Variants in NYAP2 observed in about 807,000 individuals in gnomAD.
The protein encoded by NYAP2 is neuronal tyrosine-phosphorylated phosphoinositide-3-kinase adapter 2.
A neutral mutation model predicts 50.4 loss-of-function variants in NYAP2; 23 were observed. The ratio of observed to expected loss-of-function variants is 0.46; its 90% CI spans 0.33 to 0.65. NYAP2 has a LOEUF of 0.65. NYAP2 is among the 30% of genes least tolerant of loss of function. The pLI is 0.02. For missense variants in NYAP2, 885 were observed against 861.0 expected, an observed-to-expected ratio of 1.03 and a Z score of -0.35; for synonymous variants, 394 against 365.2, an observed-to-expected ratio of 1.08 and a Z score of -0.90.
chr2:225,415,625 G>T (rs1415084961), intron 3 of NYAP2, among the ~76,000 whole-genome samples: 1 of 152,138 alleles, frequency 6.6e-6, no homozygotes, highest in African/African-American at 2.4e-5. Context: ...ACCATGAATA[G>T]CTATTTTTGT....
At chr2:225,525,231 G>A (rs1357008443) in intron 4 of NYAP2, among the ~76,000 whole-genome samples, 2 of 152,122 alleles carry the variant, frequency 1.3e-5, no homozygotes, top group Admixed American at 6.5e-5. Flanking sequence ...TCACTACTAG[G>A]TATATACCCA....
chr2:225,615,131 G>A (rs563768623), intron 5 of NYAP2, among the ~76,000 whole-genome samples: 7 of 152,230 alleles, frequency 4.6e-5, no homozygotes, highest in African/African-American at 1.4e-4. Flanking sequence ...GCTAGACCTC[G>A]GTTATACAGC....
At chr2:225,439,701 G>A (rs1329962683) in intron 3 of NYAP2, among the ~76,000 whole-genome samples, 3 of 152,120 alleles carry the variant, frequency 2.0e-5, no homozygotes, top group Admixed American at 6.6e-5. Context: ...GTGAAAATAA[G>A]GGAAGCTAAG....
chr2:225,647,105 G>GA (rs1157323860), intron 6 of NYAP2, among the ~76,000 whole-genome samples: 2 of 151,678 alleles, frequency 1.3e-5, no homozygotes, highest in African/African-American at 2.4e-5. Flanking sequence ...ACATAAACTG[G>GA]AAAAAATCTC....
the NYAP2 span, among the ~76,000 whole-genome samples, chr2:225,667,878 T>A: frequency 6.6e-6 from 1 of 152,234 alleles, no homozygotes; most frequent in Non-Finnish European, 1.5e-5. Context: ...TACAGTTTTT[T>A]AAAATAATGT....
intron 3 of NYAP2, among the ~76,000 whole-genome samples, chr2:225,462,546 A>G (rs1248602631): frequency 6.6e-6 from 1 of 152,126 alleles, no homozygotes; most frequent in Non-Finnish European, 1.5e-5. Flanking sequence ...GATGTTATGC[A>G]TAGGTCAGAG....
intron 4 of NYAP2, among the ~76,000 whole-genome samples, chr2:225,516,948 C>T (rs368997756): frequency 6.6e-6 from 1 of 152,054 alleles, no homozygotes; most frequent in East Asian, 1.9e-4. Context: ...GAATGATTGC[C>T]ATGGTAACAG....
the NYAP2 span, among the ~76,000 whole-genome samples, chr2:225,669,223 T>C: frequency 1.2e-4 from 18 of 152,102 alleles, no homozygotes; most frequent in Non-Finnish European, 2.2e-4. Context: ...ATTATTACTA[T>C]TTTTCATGAC....
chr2:225,489,475 G>A (rs570079380), intron 3 of NYAP2, among the ~76,000 whole-genome samples: 187 of 151,978 alleles, frequency 1.2e-3, no homozygotes, highest in Non-Finnish European at 2.5e-3. Context: ...TGAGATTACA[G>A]GTGTGAGTCA....
At chr2:225,412,205 C>T (rs1471749009) in intron 3 of NYAP2, among the ~76,000 whole-genome samples, 3 of 146,504 alleles carry the variant, frequency 2.0e-5, no homozygotes, top group Admixed American at 6.8e-5. Context: ...GATCCGCCTG[C>T]CTCAGCCTCC....
chr2:225,542,445 C>G (rs980026627), intron 4 of NYAP2, among the ~76,000 whole-genome samples: 1 of 152,060 alleles, frequency 6.6e-6, no homozygotes, highest in African/African-American at 2.4e-5. Context: ...TATGTTCCTT[C>G]TACACCCAGT....
intron 4 of NYAP2, among the ~76,000 whole-genome samples, chr2:225,543,605 G>A (rs1292273750): frequency 2.6e-5 from 4 of 151,944 alleles, no homozygotes; most frequent in East Asian, 1.9e-4. Flanking sequence ...ACTCCATTGT[G>A]GAAATTGTGG....
intron 4 of NYAP2, among the ~76,000 whole-genome samples, chr2:225,550,568 A>G (rs1485120221): frequency 2.6e-5 from 4 of 152,220 alleles, no homozygotes; most frequent in Admixed American, 6.5e-5. Context: ...ACAGTTGCCC[A>G]TAAAAAGAAG....
At chr2:225,618,156 G>A (rs12477972) in intron 5 of NYAP2, among the ~76,000 whole-genome samples, 30,613 of 152,056 alleles carry the variant, frequency 0.2, 3,612 homozygotes, top group Non-Finnish European at 0.27. Context: ...ATATCTCATA[G>A]GTACCCCCAG....
At chr2:225,528,108 G>A (rs1020253061) in intron 4 of NYAP2, among the ~76,000 whole-genome samples, 4 of 152,032 alleles carry the variant, frequency 2.6e-5, no homozygotes, top group Non-Finnish European at 5.9e-5. Flanking sequence ...AATTATACAG[G>A]GTATAAACTC....
chr2:225,469,543 C>T (rs1454486124), intron 3 of NYAP2, among the ~76,000 whole-genome samples: 1 of 152,136 alleles, frequency 6.6e-6, no homozygotes, highest in Non-Finnish European at 1.5e-5. Context: ...TATAAAGACA[C>T]ATGCATACTA....
At chr2:225,557,611 G>A (rs1024918588) in intron 4 of NYAP2, among the ~76,000 whole-genome samples, 1 of 152,082 alleles carries the variant, frequency 6.6e-6, no homozygotes, top group African/African-American at 2.4e-5. Flanking sequence ...TAAATAGTTG[G>A]TGAGGGAGAA....
intron 4 of NYAP2, among the ~76,000 whole-genome samples, chr2:225,536,694 T>A (rs1691356712): frequency 6.6e-6 from 1 of 152,144 alleles, no homozygotes; most frequent in Non-Finnish European, 1.5e-5. Context: ...TTATGCTAGT[T>A]TTTTTTAAAT....
At chr2:225,530,133 CT>C (rs1435431122) in intron 4 of NYAP2, among the ~76,000 whole-genome samples, 4 of 152,020 alleles carry the variant, frequency 2.6e-5, no homozygotes, top group Non-Finnish European at 4.4e-5. Flanking sequence ...GTGACTTTTT[CT>C]TGTTTATACT....
Sources: gnomAD v4.1 joint callset for allele counts (sites outside exome capture counted in the v4.1 genomes callset) on GRCh38, gnomAD v4.1.1 for gene constraint, MANE v1.5 for transcripts, NCBI Gene and HGNC (gene_info 2026-07-23, HGNC 2026-07-21) for gene names.